Variants in MSRA observed in about 807,000 individuals in gnomAD.
MSRA encodes mitochondrial peptide methionine sulfoxide reductase.
Under a neutral mutation model 31.3 loss-of-function variants are expected in MSRA, and 54 were observed. That is an observed-to-expected ratio of 1.73 (90% confidence interval 1.39 to 2.17). The LOEUF is 2.17. Among genes scored for constraint, MSRA ranks in the 30% most tolerant of loss-of-function variants. The probability of loss-of-function intolerance (pLI) is 0.00; values close to 1 mark genes in which losing one functional copy is unlikely to be tolerated. For synonymous variants in MSRA, 169 were observed against 116.5 expected (o/e 1.45, Z -2.90); for missense variants, 507 against 300.9 (o/e 1.69, Z -5.07).
chr8:10,244,783 G>C (rs1176106076), intron 2 of MSRA, among the ~76,000 whole-genome samples: 1 of 152,166 alleles, frequency 6.6e-6, no homozygotes, highest in Non-Finnish European at 1.5e-5. Flanking sequence ...TTATGAATTG[G>C]ATGTGGAAAT....
At chr8:10,323,000 G>A (rs1167258627) in intron 5 of MSRA, among the ~76,000 whole-genome samples, 1 of 145,396 alleles carries the variant, frequency 6.9e-6, no homozygotes, top group African/African-American at 2.5e-5. Context: ...TGAGGCAGGA[G>A]AAATGCTTGA....
chr8:10,081,918 T>G (rs890763615), intron 1 of MSRA, among the ~76,000 whole-genome samples: 2 of 152,160 alleles, frequency 1.3e-5, no homozygotes, highest in Non-Finnish European at 2.9e-5. Flanking sequence ...TATCAAAACC[T>G]CATCCATGGC....
At chr8:10,187,009 C>G (rs1807111973) in intron 1 of MSRA, among the ~76,000 whole-genome samples, 1 of 152,122 alleles carries the variant, frequency 6.6e-6, no homozygotes, top group African/African-American at 2.4e-5. Flanking sequence ...TGTTTCTGTA[C>G]AATTTCATGA....
At chr8:10,362,461 CAAAAAAAAA>C (rs11388593) in intron 5 of MSRA, among the ~76,000 whole-genome samples, 12 of 76,730 alleles carry the variant, frequency 1.6e-4, no homozygotes, top group African/African-American at 6.0e-4. Flanking sequence ...ATACCATAAG[CAAAAAAAAA>C]AAAAAAAAAA....
At chr8:10,151,592 G>A (rs1226318924) in intron 1 of MSRA, among the ~76,000 whole-genome samples, 1 of 152,192 alleles carries the variant, frequency 6.6e-6, no homozygotes, top group Non-Finnish European at 1.5e-5. Context: ...GGAGCTTGCA[G>A]TGAGCCCAGA....
chr8:10,176,807 C>A (rs1279428446), intron 1 of MSRA, among the ~76,000 whole-genome samples: 1 of 152,174 alleles, frequency 6.6e-6, no homozygotes, highest in Non-Finnish European at 1.5e-5. Flanking sequence ...CTCCTGCCAT[C>A]ACTCTCAGAA....
chr8:10,303,985 G>C (rs1375922492), intron 4 of MSRA, among the ~76,000 whole-genome samples: 1 of 152,050 alleles, frequency 6.6e-6, no homozygotes, highest in Non-Finnish European at 1.5e-5. Flanking sequence ...GCTCAAGCTG[G>C]AGTGCAGTGG....
At chr8:10,221,974 C>T (rs1339970288) in intron 2 of MSRA, among the ~76,000 whole-genome samples, 1 of 151,982 alleles carries the variant, frequency 6.6e-6, no homozygotes, top group Non-Finnish European at 1.5e-5. Context: ...ACTACGAGAT[C>T]ATGAAGGGCA....
At chr8:10,374,497 A>T (rs1292896294) in intron 5 of MSRA, among the ~76,000 whole-genome samples, 1 of 152,190 alleles carries the variant, frequency 6.6e-6, no homozygotes, top group Non-Finnish European at 1.5e-5. Flanking sequence ...AGTATTGCAG[A>T]ACAACAAATT....
chr8:10,150,416 A>G (rs543197833), intron 1 of MSRA, among the ~76,000 whole-genome samples: 2 of 152,232 alleles, frequency 1.3e-5, no homozygotes, highest in South Asian at 2.1e-4. Context: ...TTAATTATCT[A>G]TTCAGTGATA....
At chr8:10,058,633 A>G (rs1802528252) in intron 1 of MSRA, among the ~76,000 whole-genome samples, 1 of 152,232 alleles carries the variant, frequency 6.6e-6, no homozygotes, top group African/African-American at 2.4e-5. Flanking sequence ...TTTCCTTGAC[A>G]TAGCATATCT....
At chr8:10,194,295 C>T (rs1406780616) in intron 1 of MSRA, among the ~76,000 whole-genome samples, 1 of 152,184 alleles carries the variant, frequency 6.6e-6, no homozygotes, top group Non-Finnish European at 1.5e-5. Flanking sequence ...GGCTAGCCTC[C>T]ATGGCTCCTG....
intron 2 of MSRA, among the ~76,000 whole-genome samples, chr8:10,238,987 AATC>A (rs1212732417): frequency 1.3e-5 from 2 of 152,160 alleles, no homozygotes; most frequent in African/African-American, 4.8e-5. Flanking sequence ...TAATATCTGT[AATC>A]ATATAACTGG....
chr8:10,408,654 C>T (rs372700660), intron 5 of MSRA, among the ~76,000 whole-genome samples: 11 of 152,166 alleles, frequency 7.2e-5, no homozygotes, highest in East Asian at 3.8e-4. Flanking sequence ...TGTGTAGTGG[C>T]GAAGTCTGAG....
chr8:10,367,204 C>A (rs1012594673), intron 5 of MSRA, among the ~76,000 whole-genome samples: 2 of 152,132 alleles, frequency 1.3e-5, no homozygotes, highest in African/African-American at 4.8e-5. Flanking sequence ...CACTTAAAGA[C>A]ATCTTGGTGA....
At chr8:10,156,227 C>G (rs991554756) in intron 1 of MSRA, among the ~76,000 whole-genome samples, 1 of 152,152 alleles carries the variant, frequency 6.6e-6, no homozygotes, top group Non-Finnish European at 1.5e-5. Flanking sequence ...AACAAAATGG[C>G]TATAAAGGAC....
Position 10,144,122 on chromosome 8 carries a change from C to T in MSRA, c.143-63711C>T, listed in dbSNP as rs561979970. On this transcript the variant is annotated intron_variant, in intron 1 of 5. Transcript: ENST00000317173. ...GTGACCGGATTTAGCAGGGCCGGAT[C>T]GCCACCATCTTTAGGAAAGTCAGGT... 8.8e-4 allele frequency among the ~76,000 whole-genome samples: 134 copies of T among 152,264 alleles called. 7 individuals are homozygous for T. The South Asian group carries it at 0.026, about 29-fold the overall frequency.
intron 1 of MSRA, among the ~76,000 whole-genome samples, chr8:10,146,605 G>A (rs1339341026): frequency 6.6e-6 from 1 of 152,186 alleles, no homozygotes; most frequent in Non-Finnish European, 1.5e-5. Context: ...ATGGAATGTG[G>A]CGGCGGTTGT....
chr8:10,095,555 T>TGA, intron 1 of MSRA: 2 of 983,520 alleles, frequency 2.0e-6, no homozygotes, highest in Middle Eastern at 5.2e-4. Context: ...AGCAAAAGAG[T>TGA]GAGAGAGAGA....
Sources: allele counts gnomAD v4.1 joint callset (sites outside exome capture counted in the v4.1 genomes callset), GRCh38; gene constraint gnomAD v4.1.1; transcripts MANE v1.5; gene names NCBI Gene and HGNC (gene_info 2026-07-23, HGNC 2026-07-21).